Variants in OCA2 observed in about 807,000 individuals in gnomAD.
OCA2 encodes P protein.
Under a neutral mutation model 100.2 loss-of-function variants are expected in OCA2, and 77 were observed. The ratio of observed to expected loss-of-function variants is 0.77; its 90% CI spans 0.64 to 0.93. The LOEUF (loss-of-function observed/expected upper bound fraction) is 0.93. Among genes scored for constraint, OCA2 ranks in the 40% least tolerant of loss-of-function variants. The pLI is 0.00. For synonymous variants in OCA2, 432 were observed against 439.2 expected, an observed-to-expected ratio of 0.98 and a Z score of 0.21; for missense variants, 1,062 against 1,089.1, an observed-to-expected ratio of 0.98 and a Z score of 0.35.
At chr15:27,834,968 C>T (rs2035093182) in intron 23 of OCA2, among the ~76,000 whole-genome samples, 1 of 152,192 alleles carries the variant, frequency 6.6e-6, no homozygotes, top group Non-Finnish European at 1.5e-5. Context: ...AGCAAGGAGG[C>T]CTGGCTCTTG....
intron 9 of OCA2, among the ~76,000 whole-genome samples, chr15:28,001,555 T>TAACC (rs1008403699): frequency 1.1e-4 from 16 of 152,254 alleles, no homozygotes; most frequent in Admixed American, 6.5e-4. Context: ...ATTTAAAACA[T>TAACC]AACCAACTAC....
At chr15:27,824,393 G>A (rs1241357848) in intron 23 of OCA2, among the ~76,000 whole-genome samples, 1 of 151,114 alleles carries the variant, frequency 6.6e-6, no homozygotes, top group African/African-American at 2.4e-5. Flanking sequence ...AAGAAGGAAA[G>A]AAAGAAAGAA....
intron 23 of OCA2, among the ~76,000 whole-genome samples, chr15:27,767,877 G>A (rs1595374760): frequency 1.3e-5 from 2 of 152,206 alleles, no homozygotes; most frequent in Admixed American, 1.3e-4. Context: ...AAATCTTGCT[G>A]TTGCTCAAAC....
Position 28,019,295 on chromosome 15 carries a change from G to A in OCA2, c.647-738C>T, listed in dbSNP as rs991850880. The stretch of plus-strand genomic sequence containing the variant: ...AAAGGGAGAGGAGAAAGAAGAGGAC[G>A]CAGCAAAGAAGAGCAGGAAGGGAGG... On this transcript the variant is annotated intron_variant, in intron 6 of 23. Coordinates refer to ENST00000354638, the MANE Select transcript of OCA2 (RefSeq NM_000275.3). Among the ~76,000 whole-genome samples, 6 of 152,078 alleles carry A rather than the reference G, an allele frequency of 3.9e-5. No homozygotes were observed. The East Asian group carries it at 5.8e-4, about 15-fold the overall frequency.
At chr15:27,911,816 C>T (rs961253816) in intron 19 of OCA2, among the ~76,000 whole-genome samples, 8 of 151,994 alleles carry the variant, frequency 5.3e-5, no homozygotes, top group Non-Finnish European at 1.0e-4. Flanking sequence ...CAATCCCAGC[C>T]CCAATAAGTG....
intron 2 of OCA2, among the ~76,000 whole-genome samples, chr15:28,041,474 G>A (rs924481372): frequency 1.3e-5 from 2 of 152,206 alleles, no homozygotes; most frequent in African/African-American, 4.8e-5. Flanking sequence ...ACAAGGTAAG[G>A]ATGCCTGTTT....
At chr15:27,799,365 A>C (rs1056069033) in intron 23 of OCA2, among the ~76,000 whole-genome samples, 1 of 152,218 alleles carries the variant, frequency 6.6e-6, no homozygotes, top group Non-Finnish European at 1.5e-5. Flanking sequence ...ACACTATATG[A>C]GGTAGAAAGC....
chr15:27,856,345 G>A (rs746604467), intron 21 of OCA2, among the ~76,000 whole-genome samples: 30 of 152,168 alleles, frequency 2.0e-4, no homozygotes, highest in Non-Finnish European at 3.5e-4. Context: ...TATTTTGGAA[G>A]TCTAGAGTGT....
chr15:28,069,859 G>A (rs1425141636), intron 2 of OCA2, among the ~76,000 whole-genome samples: 2 of 129,366 alleles, frequency 1.5e-5, no homozygotes, highest in African/African-American at 3.9e-5. Context: ...CTGCCTGGCC[G>A]CCCATCGTCT....
At chr15:27,734,138 T>C in the OCA2 span, among the ~76,000 whole-genome samples, 2,912 of 130,710 alleles carry the variant, frequency 0.022, 63 homozygotes, top group African/African-American at 0.054. Context: ...CCAGATAGAG[T>C]GAGGCTCTGT....
chr15:27,851,234 C>A, intron 22 of OCA2, 148 bp downstream of exon 22: 1 of 744,222 alleles, frequency 1.3e-6, no homozygotes. Context: ...TGGAATTGCT[C>A]TGTCAAAGCT....
intron 19 of OCA2, among the ~76,000 whole-genome samples, chr15:27,900,542 T>C (rs973167418): frequency 1.3e-5 from 2 of 152,356 alleles, no homozygotes; most frequent in African/African-American, 4.8e-5. Flanking sequence ...GCTATGTGTC[T>C]CTTGTTTAAA....
chr15:27,886,762 C>A (rs1438030048), intron 19 of OCA2, among the ~76,000 whole-genome samples: 1 of 152,114 alleles, frequency 6.6e-6, no homozygotes, highest in Non-Finnish European at 1.5e-5. Flanking sequence ...CCAGTCCAGA[C>A]AAAATGATAT....
intron 23 of OCA2, among the ~76,000 whole-genome samples, chr15:27,782,387 T>A (rs995161526): frequency 2.6e-5 from 4 of 152,246 alleles, no homozygotes; most frequent in African/African-American, 9.6e-5. Flanking sequence ...AGAACTTCAC[T>A]GAGAGTGTGT....
At chr15:27,795,676 C>T (rs2033299196) in intron 23 of OCA2, among the ~76,000 whole-genome samples, 1 of 152,206 alleles carries the variant, frequency 6.6e-6, no homozygotes, top group Non-Finnish European at 1.5e-5. Context: ...GACCTGAGAG[C>T]AGGGTAGGCT....
At chr15:27,956,509 G>A (rs1595714934) in intron 16 of OCA2, among the ~76,000 whole-genome samples, 4 of 152,150 alleles carry the variant, frequency 2.6e-5, no homozygotes, top group Admixed American at 2.0e-4. Flanking sequence ...GGTGAGCCTC[G>A]GAGCCCACAT....
At chr15:28,001,669 C>T (rs540028741) in intron 9 of OCA2, among the ~76,000 whole-genome samples, 3 of 152,028 alleles carry the variant, frequency 2.0e-5, no homozygotes, top group Middle Eastern at 3.4e-3. Flanking sequence ...GAGAAACTTC[C>T]AAATGACTTG....
intron 7 of OCA2, among the ~76,000 whole-genome samples, chr15:28,016,589 G>C (rs1019388567): frequency 2.5e-4 from 38 of 152,268 alleles, no homozygotes; most frequent in African/African-American, 8.7e-4. Context: ...GATCAGCCTG[G>C]GCAACAGAGC....
intron 9 of OCA2, among the ~76,000 whole-genome samples, chr15:27,994,065 A>C (rs1270756947): frequency 2.6e-5 from 4 of 152,188 alleles, no homozygotes; most frequent in Non-Finnish European, 4.4e-5. Context: ...AATTCTTAAA[A>C]GATGCTTTAA....
Sources: gnomAD v4.1 joint callset for allele counts (sites outside exome capture counted in the v4.1 genomes callset) on GRCh38, gnomAD v4.1.1 for gene constraint, MANE v1.5 for transcripts, NCBI Gene and HGNC (gene_info 2026-07-23, HGNC 2026-07-21) for gene names.